The following NTN1 variants were observed in gnomAD, a reference collection of about 807,000 sequenced individuals.
NTN1 encodes netrin-1.
Under a neutral mutation model 54.2 loss-of-function variants are expected in NTN1, and 11 were observed. That is an observed-to-expected ratio of 0.20 (90% CI 0.13 to 0.34). NTN1 has a LOEUF of 0.34. Ranked by LOEUF, NTN1 falls within the 10% of genes least tolerant of loss-of-function variation. The pLI, the probability that NTN1 is intolerant of heterozygous loss-of-function variation, is 1.00. For missense variants in NTN1, 740 were observed against 893.1 expected (o/e 0.83, Z 2.18); for synonymous variants, 371 against 382.0 (o/e 0.97, Z 0.33).
At chr17:9,079,071 G>A (rs1253345853) in intron 2 of NTN1, among the ~76,000 whole-genome samples, 1 of 152,198 alleles carries the variant, frequency 6.6e-6, no homozygotes, top group African/African-American at 2.4e-5. Context: ...TGGGGGAGAA[G>A]ACCCATGGGC....
chr17:9,012,022 G>A, the NTN1 span, among the ~76,000 whole-genome samples: 12 of 152,208 alleles, frequency 7.9e-5, no homozygotes, highest in Non-Finnish European at 1.8e-4. Flanking sequence ...TGGGGATTCT[G>A]AGGGAAAAGA....
At position 9,207,230 on chromosome 17, in the gene NTN1, C is replaced by T. The variant is rs188699067; in HGVS notation, c.1412-13938C>T. ...TATCACTGCACAGGGTGACAAGTGCCGTGAAGGAACCACATCCGCTACAGA... is the reference window on the plus strand; with the variant it reads ...TATCACTGCACAGGGTGACAAGTGCTGTGAAGGAACCACATCCGCTACAGA... On this transcript the variant is annotated intron_variant, in intron 5 of 6. Transcript: ENST00000173229. Among the ~76,000 whole-genome samples the T allele has an allele frequency of 2.8e-3, 427 of 152,242 alleles. 7 individuals are homozygous for T. Among genetic ancestry groups the T allele is most frequent in the Non-Finnish European group, 7.1e-4 (48 of 68,026 alleles).
intron 2 of NTN1, among the ~76,000 whole-genome samples, chr17:9,093,699 C>T (rs1002071513): frequency 8.5e-5 from 13 of 152,102 alleles, no homozygotes; most frequent in African/African-American, 2.9e-4. Flanking sequence ...GTTGGCTGGG[C>T]GCGGTGGCTC....
At chr17:9,137,072 T>C (rs949668229) in intron 2 of NTN1, among the ~76,000 whole-genome samples, 3 of 152,264 alleles carry the variant, frequency 2.0e-5, no homozygotes, top group Admixed American at 1.3e-4. Flanking sequence ...TCTCCCCTCC[T>C]CCACACACCC....
intron 2 of NTN1, among the ~76,000 whole-genome samples, chr17:9,030,326 C>G (rs1452221951): frequency 2.6e-5 from 4 of 152,224 alleles, no homozygotes; most frequent in African/African-American, 9.7e-5. Context: ...TCCGCTCTTG[C>G]CTGTGTCAGG....
Position 9,241,957 on chromosome 17 carries a change from G to A in NTN1, c.*1989G>A, listed in dbSNP as rs1049926480. 4 of 152,362 alleles carry A rather than the reference G, an allele frequency of 2.6e-5. No homozygotes were observed. The highest frequency in any genetic ancestry group is 6.5e-5 in the Admixed American group (1 of 15,290). The allele number at this position is 152,362 out of a possible 1,614,324, so 9.4% of individuals were successfully genotyped here. A position where few individuals can be genotyped will look rare whatever the true frequency, so the allele number is the denominator to read the frequency against. Reference sequence around the variant, plus strand: ...GTGCTCTTGGGGGAGTGGCCACCGAGCCCCTGGCCCTGGTTACTGCCTCTT... The same window carrying A: ...GTGCTCTTGGGGGAGTGGCCACCGAACCCCTGGCCCTGGTTACTGCCTCTT... On this transcript the variant is annotated 3_prime_UTR_variant, in exon 7 of 7. Coordinates refer to ENST00000173229, the MANE Select transcript of NTN1 (RefSeq NM_004822.3).
chr17:9,022,270 G>A (rs1180475283), intron 1 of NTN1, 41 bp from the exon 2 acceptor site: 1 of 1,188,090 alleles, frequency 8.4e-7, no homozygotes. Flanking sequence ...GCTGGAGGGC[G>A]CGGGGCGGGC....
At chr17:9,018,105 C>T (rs540219673), upstream of NTN1, among the ~76,000 whole-genome samples, 2 of 152,140 alleles carry the variant, frequency 1.3e-5, no homozygotes, top group African/African-American at 4.8e-5. Context: ...GGAGTTCCAC[C>T]GTATTACAGG....
chr17:9,162,772 G>A (rs760073562), intron 2 of NTN1, 41 bp from the exon 3 acceptor site: 20 of 1,568,862 alleles, frequency 1.3e-5, no homozygotes, highest in East Asian at 9.1e-5. Flanking sequence ...TGTCCTCCCC[G>A]CGCCCCTGCG....
intron 6 of NTN1, among the ~76,000 whole-genome samples, chr17:9,231,318 A>G (rs1905802867): frequency 1.3e-5 from 2 of 151,624 alleles, no homozygotes; most frequent in Admixed American, 6.6e-5. Flanking sequence ...CAGCCTCCCA[A>G]GTAGTCTACA....
rs544995194 is a variant in NTN1, at chr17:9,177,977, C to G, written c.1208-1830C>G. Among the ~76,000 whole-genome samples, 185 of 152,270 alleles carry G rather than the reference C, an allele frequency of 1.2e-3. 1 individual carries two copies. Among genetic ancestry groups the G allele is most frequent in the African/African-American group, 4.3e-3 (179 of 41,556 alleles). On this transcript the variant is annotated intron_variant, in intron 3 of 6. Transcript: ENST00000173229. ...TGGGAGGCCAAGGCGGGCAGATCACCTGAGGTCAGGAGTTCGAGACCAGCC... is the reference window on the plus strand; with the variant it reads ...TGGGAGGCCAAGGCGGGCAGATCACGTGAGGTCAGGAGTTCGAGACCAGCC...
intron 2 of NTN1, among the ~76,000 whole-genome samples, chr17:9,031,339 T>A (rs1451426226): frequency 6.6e-6 from 1 of 152,152 alleles, no homozygotes; most frequent in East Asian, 1.9e-4. Flanking sequence ...TGTTTCTGCT[T>A]TGGGGCGGCC....
chr17:9,039,146 T>C (rs1489947300), intron 2 of NTN1, among the ~76,000 whole-genome samples: 2 of 152,250 alleles, frequency 1.3e-5, no homozygotes, highest in Non-Finnish European at 2.9e-5. Context: ...TGTTTGGATA[T>C]TTCAGTATCT....
intron 2 of NTN1, among the ~76,000 whole-genome samples, chr17:9,024,611 C>T (rs936742518): frequency 6.6e-6 from 1 of 152,170 alleles, no homozygotes; most frequent in African/African-American, 2.4e-5. Flanking sequence ...TAGTTTGTGC[C>T]TCATGACTGT....
intron 6 of NTN1, among the ~76,000 whole-genome samples, chr17:9,230,692 C>T (rs554368845): frequency 6.6e-6 from 1 of 152,298 alleles, no homozygotes; most frequent in African/African-American, 2.4e-5. Context: ...GGGATGCGGC[C>T]CTTCCCAGCA....
At chr17:9,026,376 GT>G (rs1567693081) in intron 2 of NTN1, among the ~76,000 whole-genome samples, 1 of 143,352 alleles carries the variant, frequency 7.0e-6, no homozygotes, top group East Asian at 2.0e-4. Flanking sequence ...TTTAAATGCA[GT>G]TTTGGATTTC....
intron 2 of NTN1, among the ~76,000 whole-genome samples, chr17:9,081,891 C>G (rs572984256): frequency 6.6e-6 from 1 of 152,126 alleles, no homozygotes; most frequent in Admixed American, 6.5e-5. Flanking sequence ...AGAGCACTTC[C>G]ATTTGCCAAC....
At chr17:9,136,745 T>C (rs2092282723) in intron 2 of NTN1, among the ~76,000 whole-genome samples, 1 of 152,198 alleles carries the variant, frequency 6.6e-6, no homozygotes, top group African/African-American at 2.4e-5. Flanking sequence ...GAATTCCTCC[T>C]CCCTGCCCTA....
chr17:9,195,072 T>C (rs1904588690), intron 5 of NTN1, among the ~76,000 whole-genome samples: 1 of 151,316 alleles, frequency 6.6e-6, no homozygotes, highest in African/African-American at 2.4e-5. Context: ...CCTCATTCCC[T>C]CATTTTCCCT....
Sources: gnomAD v4.1 joint callset for allele counts (sites outside exome capture counted in the v4.1 genomes callset) on GRCh38, gnomAD v4.1.1 for gene constraint, MANE v1.5 for transcripts, NCBI Gene and HGNC (gene_info 2026-07-23, HGNC 2026-07-21) for gene names.